The following ACOT12 variants were observed in gnomAD, a reference collection of about 807,000 sequenced individuals.
The protein encoded by ACOT12 is acetyl-coenzyme A thioesterase.
A neutral mutation model predicts 67.7 loss-of-function variants in ACOT12; 51 were observed. That is an observed-to-expected ratio of 0.75 (90% confidence interval 0.60 to 0.95). The LOEUF (loss-of-function observed/expected upper bound fraction) is 0.95. Among genes scored for constraint, ACOT12 ranks in the 40% least tolerant of loss-of-function variants. ACOT12 has a pLI of 0.00. For synonymous variants in ACOT12, 251 were observed against 244.6 expected (o/e 1.03, Z -0.24); for missense variants, 734 against 708.1 (o/e 1.04, Z -0.41).
At chr5:81,378,539 C>T (rs767432801) in intron 2 of ACOT12, among the ~76,000 whole-genome samples, 5 of 152,112 alleles carry the variant, frequency 3.3e-5, no homozygotes, top group Non-Finnish European at 7.4e-5. Context: ...TATCATCAGA[C>T]TGAACAGGCA....
chr5:81,388,775 G>A (rs1396394885), intron 1 of ACOT12, among the ~76,000 whole-genome samples: 1 of 152,156 alleles, frequency 6.6e-6, no homozygotes, highest in African/African-American at 2.4e-5. Context: ...ATTCCCACAT[G>A]TTGTGGGAAG....
chr5:81,345,731 C>G (rs1759358626), intron 7 of ACOT12, among the ~76,000 whole-genome samples, 154 bp downstream of exon 7: 1 of 151,746 alleles, frequency 6.6e-6, no homozygotes, highest in Admixed American at 6.6e-5. Flanking sequence ...CCAAGCAGAA[C>G]AAAGGGTTAA....
chr5:81,321,861 T>C, the ACOT12 span, among the ~76,000 whole-genome samples: 14 of 152,084 alleles, frequency 9.2e-5, no homozygotes, highest in Non-Finnish European at 7.4e-5. Flanking sequence ...GCACAAGAAT[T>C]GCTTGAACCT....
chr5:81,343,772 AATG>A (rs1759280222), intron 10 of ACOT12, 43 bp downstream of exon 10: 5 of 1,588,732 alleles, frequency 3.1e-6, no homozygotes, highest in East Asian at 4.5e-5. Flanking sequence ...CCATTTTTGT[AATG>A]ATGAGACTTT....
intron 2 of ACOT12, among the ~76,000 whole-genome samples, chr5:81,381,220 C>T (rs1185947530): frequency 1.3e-5 from 2 of 152,084 alleles, no homozygotes; most frequent in East Asian, 1.9e-4. Context: ...GCGCGTGCCA[C>T]CACACCCAGC....
At chr5:81,327,446 C>CT (rs1322845210), downstream of ACOT12, among the ~76,000 whole-genome samples, 12 of 150,788 alleles carry the variant, frequency 8.0e-5, no homozygotes, top group South Asian at 2.1e-4. Context: ...AATGAGCTTC[C>CT]TTTTTTTTTG....
chr5:81,382,844 C>T (rs997758108), intron 2 of ACOT12, among the ~76,000 whole-genome samples: 8 of 151,318 alleles, frequency 5.3e-5, no homozygotes, highest in Non-Finnish European at 8.8e-5. Context: ...TGAATTGTAA[C>T]ACATCAAGTA....
intron 1 of ACOT12, 41 bp downstream of exon 1, chr5:81,393,947 C>T (rs1348129412): frequency 3.1e-6 from 4 of 1,303,438 alleles, no homozygotes; most frequent in East Asian, 3.2e-5. Flanking sequence ...GCTCCCGCAG[C>T]CCCGGTCCCG....
chr5:81,369,288 C>T (rs1760174758), intron 3 of ACOT12, among the ~76,000 whole-genome samples: 1 of 152,116 alleles, frequency 6.6e-6, no homozygotes, highest in African/African-American at 2.4e-5. Context: ...GTCTGAGAAT[C>T]CCCTGGAAGT....
chr5:81,393,915 C>T (rs1015184502), intron 1 of ACOT12, 73 bp downstream of exon 1: 150 of 1,268,342 alleles, frequency 1.2e-4, no homozygotes, highest in Middle Eastern at 6.1e-4. Context: ...CTTCCTACCC[C>T]CCCCAGCCCC....
intron 5 of ACOT12, 130 bp from the exon 6 acceptor site, chr5:81,348,060 C>T (rs990125326): frequency 3.0e-6 from 3 of 1,001,836 alleles, no homozygotes; most frequent in African/African-American, 1.6e-5. Context: ...AGCCTTAAGA[C>T]TGAGAAAATT....
At chr5:81,315,454 C>A in the ACOT12 span, among the ~76,000 whole-genome samples, 1 of 152,160 alleles carries the variant, frequency 6.6e-6, no homozygotes, top group Non-Finnish European at 1.5e-5. Flanking sequence ...CTATTTGTTC[C>A]CTCTCTACCA....
chr5:81,331,262 G>C (rs1428438872), intron 13 of ACOT12, among the ~76,000 whole-genome samples: 1 of 152,204 alleles, frequency 6.6e-6, no homozygotes, highest in Non-Finnish European at 1.5e-5. Context: ...AACAGGCCGG[G>C]TGCAGTGGCT....
intron 5 of ACOT12, among the ~76,000 whole-genome samples, chr5:81,357,146 A>C (rs1023925169): frequency 6.6e-6 from 1 of 151,810 alleles, no homozygotes; most frequent in East Asian, 1.9e-4. Context: ...TCGCCTTCCC[A>C]ACTTTCTTCT....
intron 13 of ACOT12, among the ~76,000 whole-genome samples, chr5:81,332,016 C>A (rs1758843675): frequency 6.6e-6 from 1 of 152,174 alleles, no homozygotes; most frequent in South Asian, 2.1e-4. Flanking sequence ...GGGACAGTTT[C>A]TCTTAGAAGC....
intron 5 of ACOT12, among the ~76,000 whole-genome samples, chr5:81,358,211 C>T (rs1050166248): frequency 1.3e-5 from 2 of 152,052 alleles, no homozygotes; most frequent in Non-Finnish European, 2.9e-5. Context: ...ATGCATATGC[C>T]TATTAAAAAC....
At chr5:81,392,698 T>A (rs1250475379) in intron 1 of ACOT12, among the ~76,000 whole-genome samples, 1 of 152,178 alleles carries the variant, frequency 6.6e-6, no homozygotes, top group African/African-American at 2.4e-5. Flanking sequence ...TATGTGTGGA[T>A]TAATTTTGTA....
At chr5:81,329,622 C>A (rs2153840669), downstream of ACOT12, among the ~76,000 whole-genome samples, 1 of 152,270 alleles carries the variant, frequency 6.6e-6, no homozygotes, top group South Asian at 2.1e-4. Flanking sequence ...GGCTAGCTTG[C>A]CATATTCTGG....
intron 6 of ACOT12, among the ~76,000 whole-genome samples, chr5:81,346,516 C>T (rs763790377): frequency 7.9e-5 from 12 of 152,226 alleles, no homozygotes; most frequent in East Asian, 1.9e-4. Context: ...AGGAGATACA[C>T]ATTTTATAAT....
Sources: gnomAD v4.1 joint callset for allele counts (sites outside exome capture counted in the v4.1 genomes callset) on GRCh38, gnomAD v4.1.1 for gene constraint, MANE v1.5 for transcripts, NCBI Gene and HGNC (gene_info 2026-07-23, HGNC 2026-07-21) for gene names.